The following ADGRB3 variants were observed in gnomAD, a reference collection of about 807,000 sequenced individuals.
ADGRB3 encodes the protein adhesion G protein-coupled receptor B3.
ADGRB3 carries 37 observed loss-of-function variants against 193.4 expected under a neutral mutation model. The observed-to-expected ratio is 0.19, with a 90% confidence interval of 0.15 to 0.25. The LOEUF (loss-of-function observed/expected upper bound fraction) is 0.25, where lower values mean the gene tolerates loss of function less well. ADGRB3 is among the 10% of genes least tolerant of loss of function. ADGRB3 has a pLI of 1.00. For missense variants in ADGRB3, 1,637 were observed against 1,852.9 expected (o/e 0.88, Z 2.14); for synonymous variants, 690 against 644.2 (o/e 1.07, Z -1.08).
intron 12 of ADGRB3, among the ~76,000 whole-genome samples, chr6:69,017,294 C>T (rs765944923): frequency 1.2e-4 from 18 of 151,968 alleles, no homozygotes; most frequent in Admixed American, 5.3e-4. Flanking sequence ...AATGCCTTTT[C>T]GTCTTCTGCA....
At chr6:69,327,258 A>G (rs116875690) in intron 21 of ADGRB3, among the ~76,000 whole-genome samples, 1 of 152,206 alleles carries the variant, frequency 6.6e-6, no homozygotes, top group Non-Finnish European at 1.5e-5. Flanking sequence ...CTAAAAGAAG[A>G]TGCTAGCTCA....
chr6:68,882,489 AT>A (rs1481586796), intron 3 of ADGRB3, among the ~76,000 whole-genome samples: 2 of 152,058 alleles, frequency 1.3e-5, no homozygotes, highest in Non-Finnish European at 2.9e-5. Flanking sequence ...TCATGTTTTG[AT>A]TTTTTTAATT....
intron 3 of ADGRB3, among the ~76,000 whole-genome samples, chr6:68,641,300 T>C (rs1246577441): frequency 1.3e-5 from 2 of 152,148 alleles, no homozygotes; most frequent in African/African-American, 2.4e-5. Context: ...TTTCAAAGAT[T>C]TTTTGATCAT....
intron 17 of ADGRB3, among the ~76,000 whole-genome samples, chr6:69,197,415 CTT>C (rs3839472): frequency 6.7e-6 from 1 of 149,542 alleles, no homozygotes; most frequent in South Asian, 2.1e-4. Flanking sequence ...TTACTAAAGA[CTT>C]TTTTTTTTAC....
chr6:68,979,277 C>T (rs1194674096), intron 10 of ADGRB3, among the ~76,000 whole-genome samples: 3 of 151,306 alleles, frequency 2.0e-5, no homozygotes, highest in African/African-American at 7.3e-5. Flanking sequence ...ATACACCAGA[C>T]TTAATGTTTA....
At chr6:68,715,626 G>T (rs1284258012) in intron 3 of ADGRB3, among the ~76,000 whole-genome samples, 5 of 151,686 alleles carry the variant, frequency 3.3e-5, no homozygotes, top group Admixed American at 1.3e-4. Flanking sequence ...AGTTTTGAAA[G>T]GAGGGAAAGA....
chr6:68,703,935 A>ATATTGTC (rs1475803542), intron 3 of ADGRB3, among the ~76,000 whole-genome samples: 1 of 152,068 alleles, frequency 6.6e-6, no homozygotes, highest in East Asian at 1.9e-4. Context: ...TAAAATTAGT[A>ATATTGTC]TATTGTCATT....
At chr6:69,292,532 T>C (rs543990527) in intron 20 of ADGRB3, among the ~76,000 whole-genome samples, 41 of 152,260 alleles carry the variant, frequency 2.7e-4, no homozygotes, top group African/African-American at 9.4e-4. Flanking sequence ...TCCTTGTCTG[T>C]CCATTCTTAC....
rs571375403 is a variant in ADGRB3, at chr6:68,691,887, T to C, written c.757+52455T>C. ...GTATGTATGCAATCGAGATACTTAA[T>C]ATATAGCCTCCATTGGATATCTGGA... On this transcript the variant is annotated intron_variant, in intron 3 of 31. Transcript: ENST00000370598. 1.1e-4 allele frequency among the ~76,000 whole-genome samples: 16 copies of C among 151,774 alleles called. No homozygotes were observed. In the East Asian group the frequency reaches 2.9e-3, roughly 28 times the overall value.
At chr6:68,905,658 T>G (rs1477698828) in intron 3 of ADGRB3, among the ~76,000 whole-genome samples, 3 of 152,142 alleles carry the variant, frequency 2.0e-5, no homozygotes, top group Non-Finnish European at 4.4e-5. Context: ...ATTTTATCAT[T>G]CTACAGCTCT....
chr6:68,761,599 G>A (rs957128594), intron 3 of ADGRB3, among the ~76,000 whole-genome samples: 2 of 151,310 alleles, frequency 1.3e-5, no homozygotes, highest in African/African-American at 2.4e-5. Flanking sequence ...ATATGCAGGC[G>A]CCAGACATGT....
intron 17 of ADGRB3, among the ~76,000 whole-genome samples, chr6:69,122,162 G>A (rs1773720542): frequency 6.6e-6 from 1 of 152,006 alleles, no homozygotes; most frequent in Non-Finnish European, 1.5e-5. Flanking sequence ...CTGGGCAACA[G>A]TGAGCATTGG....
intron 19 of ADGRB3, among the ~76,000 whole-genome samples, chr6:69,237,756 G>A (rs1766300016): frequency 2.0e-5 from 3 of 151,896 alleles, no homozygotes; most frequent in African/African-American, 2.4e-5. Flanking sequence ...TCAAACAAAG[G>A]GTTAATTTTA....
chr6:68,930,101 G>C (rs1441124349), intron 3 of ADGRB3, among the ~76,000 whole-genome samples: 2 of 151,640 alleles, frequency 1.3e-5, no homozygotes, highest in Non-Finnish European at 2.9e-5. Context: ...AAGTGACTGG[G>C]TTTACCTTAG....
chr6:69,362,886 A>G (rs1398556090), intron 29 of ADGRB3, among the ~76,000 whole-genome samples: 2 of 152,046 alleles, frequency 1.3e-5, no homozygotes, highest in African/African-American at 4.8e-5. Context: ...CAAAAATCAC[A>G]GAAGTTTTTA....
In ADGRB3 at chr6:68,757,653, A is replaced by C. The variant is rs1447542439; in HGVS notation, c.757+118221A>C. Among the ~76,000 whole-genome samples, 4 of 151,938 alleles carry C rather than the reference A, an allele frequency of 2.6e-5. No individual in the cohort carries two copies. In the East Asian group the frequency reaches 7.7e-4, roughly 29 times the overall value. On this transcript the variant is annotated intron_variant, in intron 3 of 31. Transcript: ENST00000370598. ...CACTTTCTTATAATTCTTTTTCTGC[A>C]AGTCCCAAAGATGCTTGAGACTTTT... is the stretch of plus-strand genomic sequence containing the variant.
At chr6:69,361,672 T>C (rs530832274) in intron 29 of ADGRB3, among the ~76,000 whole-genome samples, 160 bp downstream of exon 29, 6 of 152,050 alleles carry the variant, frequency 3.9e-5, no homozygotes, top group East Asian at 3.9e-4. Flanking sequence ...TTTCTGGCTA[T>C]TGAGATTCAG....
chr6:69,161,369 A>G (rs927338490), intron 17 of ADGRB3, among the ~76,000 whole-genome samples: 10 of 152,086 alleles, frequency 6.6e-5, no homozygotes, highest in African/African-American at 2.4e-4. Context: ...AGATTTATCA[A>G]AAAAGAACCA....
chr6:69,137,490 A>G (rs1774187404), intron 17 of ADGRB3, among the ~76,000 whole-genome samples: 1 of 152,000 alleles, frequency 6.6e-6, no homozygotes, highest in East Asian at 1.9e-4. Context: ...AGTTCACTAT[A>G]TTAGTTACTG....
Sources: gnomAD v4.1 joint callset for allele counts (sites outside exome capture counted in the v4.1 genomes callset) on GRCh38, gnomAD v4.1.1 for gene constraint, MANE v1.5 for transcripts, NCBI Gene and HGNC (gene_info 2026-07-23, HGNC 2026-07-21) for gene names.